DNAH8: variants seen among roughly 807,000 people sequenced by gnomAD.
DNAH8 encodes axonemal beta dynein heavy chain 8.
Under a neutral mutation model 562.1 loss-of-function variants are expected in DNAH8, and 382 were observed. The ratio of observed to expected loss-of-function variants is 0.68; its 90% CI spans 0.63 to 0.74. The LOEUF (loss-of-function observed/expected upper bound fraction) is 0.74. DNAH8 is among the 30% of genes least tolerant of loss of function. The pLI is 0.00. For missense variants in DNAH8, 5,203 were observed against 5,620.4 expected, an observed-to-expected ratio of 0.93 and a Z score of 2.37; for synonymous variants, 1,881 against 1,919.4, an observed-to-expected ratio of 0.98 and a Z score of 0.52.
chr6:38,974,265 C>G, intron 84 of DNAH8, 109 bp from the exon 85 acceptor site: 1 of 878,650 alleles, frequency 1.1e-6, no homozygotes, highest in Non-Finnish European at 1.7e-6. Context: ...CAAAACACTT[C>G]CAGTCCCAAG....
intron 88 of DNAH8, among the ~76,000 whole-genome samples, chr6:38,997,915 G>T (rs1304613448): frequency 6.6e-6 from 1 of 152,092 alleles, no homozygotes; most frequent in Non-Finnish European, 1.5e-5. Flanking sequence ...GTGCCACCAG[G>T]CCCGGCTAAT....
intron 91 of DNAH8, among the ~76,000 whole-genome samples, chr6:39,016,773 C>T (rs1225225479): frequency 1.3e-5 from 2 of 152,172 alleles, no homozygotes; most frequent in South Asian, 4.1e-4. Context: ...GTGTTTCCCT[C>T]ATTGACCCTC....
rs561016966 is a variant in DNAH8, at chr6:38,717,670, A to AAATTTTCCAATTTCCT, written c.-35+2259_-35+2260insTTCCAATTTCCTAATT. 2.1e-3 allele frequency among the ~76,000 whole-genome samples: 312 copies of AAATTTTCCAATTTCCT among 151,766 alleles called. 4 individuals are homozygous for AAATTTTCCAATTTCCT. Among genetic ancestry groups the AAATTTTCCAATTTCCT allele is most frequent in the East Asian group, 4.3e-3 (22 of 5,158 alleles). On this transcript the variant is annotated intron_variant, in intron 1 of 92. Transcript: ENST00000327475. ...GAAAAGAACCATACAGAAAGTTAGG[A>AAATTTTCCAATTTCCT]AATTGGAAAGTAAAAATTCTTCTTC...
chr6:38,813,441 G>A (rs1771977793), intron 24 of DNAH8, among the ~76,000 whole-genome samples: 1 of 151,998 alleles, frequency 6.6e-6, no homozygotes, highest in Non-Finnish European at 1.5e-5. Context: ...GGAGGTGTAA[G>A]TTTTCAGTAA....
chr6:38,776,787 G>GT (rs943620247), intron 13 of DNAH8, among the ~76,000 whole-genome samples: 12 of 152,296 alleles, frequency 7.9e-5, no homozygotes, highest in Middle Eastern at 6.8e-3. Flanking sequence ...AGATGAGACT[G>GT]TAAGATGTTT....
intron 78 of DNAH8, 52 bp downstream of exon 78, chr6:38,938,278 A>G: frequency 6.4e-7 from 1 of 1,554,968 alleles, no homozygotes; most frequent in Non-Finnish European, 8.7e-7. Flanking sequence ...GTTTGCTTGT[A>G]TTTCTACTCT....
At chr6:38,753,126 T>C (rs1246564631) in intron 9 of DNAH8, among the ~76,000 whole-genome samples, 1 of 152,200 alleles carries the variant, frequency 6.6e-6, no homozygotes, top group East Asian at 1.9e-4. Context: ...AACTTCATTC[T>C]TCTCATTTTT....
intron 39 of DNAH8, 38 bp downstream of exon 39, chr6:38,851,712 C>A: frequency 8.0e-7 from 1 of 1,242,646 alleles, no homozygotes; most frequent in Non-Finnish European, 1.2e-6. Context: ...TTGCTTTTCC[C>A]ACGACATACA....
rs1013545602 is a variant in DNAH8 at position 38,921,370 on chromosome 6, C to T, written c.10526C>T (p.Ala3509Val). ...GINREVLPLKANLAKQEGRLA... is the reference protein window; with the variant it reads ...GINREVLPLKVNLAKQEGRLA... ...CTAACCACGTCTTCTTCTTTTCAGG[C>T]CAACCTGGCCAAGCAGGAAGGCCGG... The change falls in exon 71 of 93, where the codon GCC becomes GTC. Residue 3509 changes from alanine to valine, a missense_variant and splice_region_variant. Around this residue, in one of 6 missense-constraint regions of DNAH8, gnomAD observed 1,399 missense variants for 1,518.4 expected, o/e 0.92. Transcript: ENST00000327475. 4 of 1,612,330 alleles carry T rather than the reference C, an allele frequency of 2.5e-6. No individual in the cohort carries two copies. Among genetic ancestry groups the T allele is most frequent in the African/African-American group, 1.3e-5 (1 of 74,818 alleles).
chr6:38,883,257 A>G, intron 54 of DNAH8, 65 bp from the exon 55 acceptor site: 1 of 1,507,494 alleles, frequency 6.6e-7, no homozygotes, highest in Non-Finnish European at 8.9e-7. Flanking sequence ...AGCCCATAGA[A>G]TCATAAGATA....
intron 4 of DNAH8, among the ~76,000 whole-genome samples, chr6:38,732,527 T>C (rs776502030): frequency 2.0e-5 from 3 of 152,172 alleles, no homozygotes; most frequent in African/African-American, 4.8e-5. Flanking sequence ...CTGGCTTATA[T>C]GAGTGGAAAG....
intron 76 of DNAH8, among the ~76,000 whole-genome samples, chr6:38,933,070 A>G (rs1561881506): frequency 1.3e-5 from 2 of 152,170 alleles, no homozygotes; most frequent in Non-Finnish European, 2.9e-5. Flanking sequence ...TGGCCCGGCA[A>G]TTCACTGTTT....
intron 1 of DNAH8, among the ~76,000 whole-genome samples, chr6:38,719,981 T>G (rs1305242512): frequency 2.0e-5 from 3 of 152,096 alleles, no homozygotes; most frequent in Non-Finnish European, 4.4e-5. Context: ...AACTCAGATA[T>G]AAGGATGAGA....
At chr6:38,719,614 C>T (rs1260934251) in intron 1 of DNAH8, among the ~76,000 whole-genome samples, 1 of 152,032 alleles carries the variant, frequency 6.6e-6, no homozygotes, top group African/African-American at 2.4e-5. Flanking sequence ...TCATCCAATC[C>T]ACTGTGAAGT....
At position 38,872,377 on chromosome 6, in the gene DNAH8, A is replaced by G. The variant is rs7757460; in HGVS notation, c.6991-159A>G. Among the ~76,000 whole-genome samples the G allele has an allele frequency of 0.43, 65,753 of 152,066 alleles. 15,168 individuals are homozygous for G. Among genetic ancestry groups the G allele is most frequent in the East Asian group, 0.84 (4,359 of 5,182 alleles). ...TTTTATAACGTGGTGCTCATTTGCT[A>G]TGCACATCTAGTAAAACAACATTTT... On this transcript the variant is annotated intron_variant, in intron 49 of 92. Coordinates refer to ENST00000327475, the MANE Select transcript of DNAH8 (RefSeq NM_001206927.2).
chr6:38,861,775 G>A (rs544942407), intron 43 of DNAH8, among the ~76,000 whole-genome samples: 1 of 152,106 alleles, frequency 6.6e-6, no homozygotes, highest in African/African-American at 2.4e-5. Flanking sequence ...CTCATGATCC[G>A]CCCACCTCAG....
In DNAH8 at chr6:38,815,446, C is replaced by T. The variant is rs1007113145; in HGVS notation, c.3334-22C>T. On this transcript the variant is annotated intron_variant, in intron 25 of 92. Transcript: ENST00000327475. ...GACTGTATGTGCCGGCAGTATTACACATTTGTTTCTTCTTTCCACAGGTGA... is the reference window on the plus strand; with the variant it reads ...GACTGTATGTGCCGGCAGTATTACATATTTGTTTCTTCTTTCCACAGGTGA... 5.0e-6 allele frequency: 8 copies of T among 1,590,520 alleles called. No individual in the cohort carries two copies. In the African/African-American group the frequency reaches 6.7e-5, roughly 13 times the overall value.
At chr6:38,941,501 T>C (rs1367426393) in intron 79 of DNAH8, among the ~76,000 whole-genome samples, 2 of 152,224 alleles carry the variant, frequency 1.3e-5, no homozygotes, top group Non-Finnish European at 2.9e-5. Context: ...ATGTGGTTCA[T>C]ATTTTTTTCA....
intron 91 of DNAH8, among the ~76,000 whole-genome samples, chr6:39,025,578 G>A (rs752197983): frequency 3.9e-5 from 6 of 152,050 alleles, no homozygotes; most frequent in Non-Finnish European, 7.4e-5. Flanking sequence ...AAGGGATCTC[G>A]ACTCAGTGCT....
Sources: allele counts gnomAD v4.1 joint callset (sites outside exome capture counted in the v4.1 genomes callset), GRCh38; gene constraint gnomAD v4.1.1; regional missense constraint gnomAD v4.1.1; transcripts MANE v1.5; gene names NCBI Gene and HGNC (gene_info 2026-07-23, HGNC 2026-07-21).